Variants in SLC23A2 observed in about 807,000 individuals in gnomAD.
SLC23A2 encodes solute carrier family 23 member 2.
A neutral mutation model predicts 73.3 loss-of-function variants in SLC23A2; 36 were observed. The ratio of observed to expected loss-of-function variants is 0.49; its 90% confidence interval spans 0.38 to 0.65. SLC23A2 has a LOEUF of 0.65. Among genes scored for constraint, SLC23A2 ranks in the 30% least tolerant of loss-of-function variants. The pLI is 0.00. For synonymous variants in SLC23A2, 343 were observed against 327.3 expected (o/e 1.05, Z -0.52); for missense variants, 507 against 841.6 (o/e 0.60, Z 4.92).
intron 11 of SLC23A2, 185 bp downstream of exon 11, chr20:4,873,751 C>G (rs1466313088): frequency 1.5e-5 from 8 of 540,728 alleles, no homozygotes; most frequent in South Asian, 7.8e-5. Context: ...CGGTCAGTCT[C>G]TGTGTGTTGG....
At chr20:4,988,539 C>T (rs2087868202) in intron 1 of SLC23A2, among the ~76,000 whole-genome samples, 1 of 151,178 alleles carries the variant, frequency 6.6e-6, no homozygotes, top group Admixed American at 6.6e-5. Flanking sequence ...AGTTAGAGAC[C>T]AGCCTGGCCA....
At chr20:4,961,891 G>C (rs896477269) in intron 2 of SLC23A2, among the ~76,000 whole-genome samples, 2 of 152,122 alleles carry the variant, frequency 1.3e-5, no homozygotes, top group African/African-American at 4.8e-5. Flanking sequence ...GAATTTGTTC[G>C]GACAGTTCCA....
At position 4,961,283 on chromosome 20, in the gene SLC23A2, T is replaced by A. The variant is rs12105990; in HGVS notation, c.-155+9510A>T. Among the ~76,000 whole-genome samples, 550 of 151,922 alleles carry A rather than the reference T, an allele frequency of 3.6e-3. 3 individuals carry two copies. The highest frequency in any genetic ancestry group is 4.9e-3 in the Non-Finnish European group (330 of 67,934). On this transcript the variant is annotated intron_variant, in intron 2 of 16. Transcript: ENST00000338244. ...TTTTTAGTAGAGACGGGGTTTCACC[T>A]TGTTAGCCAGGATGGTCTCGATCTC...
chr20:5,009,514 T>C (rs2088225815), intron 1 of SLC23A2, among the ~76,000 whole-genome samples: 1 of 152,176 alleles, frequency 6.6e-6, no homozygotes, highest in Non-Finnish European at 1.5e-5. Context: ...CCTCACTAAT[T>C]GTCAGTGCAT....
At position 4,887,498 on chromosome 20, in the gene SLC23A2, T is replaced by TG. The variant is rs150945845; in HGVS notation, c.483-1590dup. ...GCCATCACACATCACACTGTGTTGG[T>TG]GATCCACTGGAAATGGCAAAAGGAA... is the stretch of plus-strand genomic sequence containing the variant. On this transcript the variant is annotated intron_variant, in intron 6 of 16. Transcript: ENST00000338244. Among the ~76,000 whole-genome samples the TG allele has an allele frequency of 2.6e-5, 4 of 152,324 alleles. No homozygotes were observed. The East Asian group carries it at 7.7e-4, about 29-fold the overall frequency.
chr20:4,968,253 C>A (rs960900154), intron 2 of SLC23A2, among the ~76,000 whole-genome samples: 1 of 152,082 alleles, frequency 6.6e-6, no homozygotes, highest in African/African-American at 2.4e-5. Flanking sequence ...TGAAAGATGG[C>A]GGGAATCCCA....
chr20:4,879,536 C>CCTTAT (rs1194121359), intron 9 of SLC23A2, among the ~76,000 whole-genome samples: 1 of 151,048 alleles, frequency 6.6e-6, no homozygotes, highest in East Asian at 1.9e-4. Flanking sequence ...ATCAATAAGA[C>CCTTAT]CTTATTAATA....
intron 1 of SLC23A2, among the ~76,000 whole-genome samples, chr20:4,975,055 G>A (rs1268759152): frequency 6.6e-6 from 1 of 152,084 alleles, no homozygotes; most frequent in Non-Finnish European, 1.5e-5. Flanking sequence ...CCAAAATGCT[G>A]GATTACAGGT....
intron 1 of SLC23A2, among the ~76,000 whole-genome samples, chr20:4,996,574 T>A (rs1249917545): frequency 6.6e-6 from 1 of 150,382 alleles, no homozygotes; most frequent in Non-Finnish European, 1.5e-5. Flanking sequence ...TAATCCCAGC[T>A]ACTTGGGAGG....
Position 4,863,440 on chromosome 20 carries a change from C to T in SLC23A2, c.1357-533G>A, listed in dbSNP as rs1930067429. ...ACGTCTGACTGTATGGTCGGGCCGA[C>T]CCGTAGCCTCTAGAGTCTCAGGATC... On this transcript the variant is annotated intron_variant, in intron 13 of 16. Transcript: ENST00000338244. The surrounding 1 kb of genome is among the most constrained non-coding windows in gnomAD (Gnocchi z 4.8). 6.6e-6 allele frequency among the ~76,000 whole-genome samples: 1 copy of T among 152,226 alleles called. No homozygotes were observed. The highest frequency in any genetic ancestry group is 2.1e-4 in the South Asian group (1 of 4,838).
intron 1 of SLC23A2, among the ~76,000 whole-genome samples, chr20:5,008,786 C>T (rs552639727): frequency 4.6e-5 from 7 of 152,096 alleles, no homozygotes; most frequent in Admixed American, 4.6e-4. Flanking sequence ...AGGCTGGTCT[C>T]GAACTCCTGG....
At chr20:4,982,962 G>A (rs535721608) in intron 1 of SLC23A2, among the ~76,000 whole-genome samples, 8 of 152,076 alleles carry the variant, frequency 5.3e-5, no homozygotes, top group South Asian at 2.1e-4. Flanking sequence ...AAAATTAGCC[G>A]GGCATGGTAG....
At chr20:4,935,451 A>G (rs2086947638) in intron 2 of SLC23A2, among the ~76,000 whole-genome samples, 1 of 151,984 alleles carries the variant, frequency 6.6e-6, no homozygotes, top group Non-Finnish European at 1.5e-5. Context: ...AGGATATGAA[A>G]CTCTACCGCA....
rs1435903903 is a variant in SLC23A2 at position 4,855,592 on chromosome 20, C to T, written c.*1380G>A. On this transcript the variant is annotated 3_prime_UTR_variant, in exon 17 of 17. Transcript: ENST00000338244. The stretch of plus-strand genomic sequence containing the variant: ...TATCACCTTTGGCAACCACCCTCAC[C>T]TGTAAAATCAAGATCTAACGGACGT... The T allele has an allele frequency of 6.6e-6, 1 of 152,616 alleles. No homozygotes were observed. The highest frequency in any genetic ancestry group is 1.5e-5 in the Non-Finnish European group (1 of 68,050). 9.5% of individuals were successfully genotyped at this position (152,616 alleles called of 1,614,324 possible). A position where few individuals can be genotyped will look rare whatever the true frequency, so the allele number is the denominator to read the frequency against.
intron 6 of SLC23A2, among the ~76,000 whole-genome samples, chr20:4,892,263 T>C (rs1931360109): frequency 6.6e-6 from 1 of 151,982 alleles, no homozygotes; most frequent in Admixed American, 6.5e-5. Flanking sequence ...CTCGGCTCAC[T>C]GCAACCTCTG....
intron 9 of SLC23A2, among the ~76,000 whole-genome samples, chr20:4,876,310 A>G (rs1930653347): frequency 6.6e-6 from 1 of 152,160 alleles, no homozygotes; most frequent in Non-Finnish European, 1.5e-5. Context: ...CTGCACATTT[A>G]AGAGGGGACT....
Position 4,857,232 on chromosome 20 carries a change from G to A in SLC23A2, c.1721-28C>T. ...GTCACACATCCCAAGATAGAACAAA[G>A]GAATGCTTCGTTTAGCAGCTCTACT... On this transcript the variant is annotated intron_variant, in intron 16 of 16. Coordinates refer to ENST00000338244, the MANE Select transcript of SLC23A2 (RefSeq NM_005116.6). The surrounding 1 kb of genome is among the most constrained non-coding windows in gnomAD (Gnocchi z 4.0). The A allele has an allele frequency of 7.7e-7, 1 of 1,304,064 alleles. No individual in the cohort carries two copies. Among genetic ancestry groups the A allele is most frequent in the South Asian group, 1.3e-5 (1 of 75,176 alleles). 80.8% of individuals were successfully genotyped at this position (1,304,064 alleles called of 1,614,324 possible).
At position 4,863,744 on chromosome 20, in the gene SLC23A2, G is replaced by A. The variant is rs938152164; in HGVS notation, c.1357-837C>T. On this transcript the variant is annotated intron_variant, in intron 13 of 16. Transcript: ENST00000338244. This position sits in a 1 kb window ranked among gnomAD's most constrained non-coding sequence, Gnocchi z 4.8. Reference sequence around the variant, plus strand: ...TTCCAAGCACACCAGGCAGGCCTGGGCCTGTCTACCTGGACACCCTTCCCT... The same window carrying A: ...TTCCAAGCACACCAGGCAGGCCTGGACCTGTCTACCTGGACACCCTTCCCT... Among the ~76,000 whole-genome samples the A allele has an allele frequency of 1.3e-5, 2 of 152,092 alleles. No individual in the cohort carries two copies. The highest frequency in any genetic ancestry group is 2.4e-5 in the African/African-American group (1 of 41,410).
chr20:4,852,709 G>C lies in SLC23A2; in HGVS notation c.*4263C>G, dbSNP rs1929571944. 6.6e-6 allele frequency: 1 copy of C among 152,416 alleles called. No individual in the cohort carries two copies. Among genetic ancestry groups the C allele is most frequent in the African/African-American group, 2.4e-5 (1 of 41,442 alleles). The allele number at this position is 152,416 out of a possible 1,614,324, so 9.4% of individuals were successfully genotyped here. ...TAAGAACAGTCAGAAATGTATTAAG[G>C]TGTCAAATGAAGATTGTTACTAACG... is the stretch of plus-strand genomic sequence containing the variant. On this transcript the variant is annotated 3_prime_UTR_variant, in exon 17 of 17. Transcript: ENST00000338244. The surrounding 1 kb of genome is among the most constrained non-coding windows in gnomAD (Gnocchi z 4.3).
Sources: allele counts gnomAD v4.1 joint callset (sites outside exome capture counted in the v4.1 genomes callset), GRCh38; gene constraint gnomAD v4.1.1; non-coding constraint Gnocchi (gnomAD v3.1); transcripts MANE v1.5; gene names NCBI Gene and HGNC (gene_info 2026-07-23, HGNC 2026-07-21).